Variants in ZNF362 observed in about 807,000 individuals in gnomAD.
ZNF362 encodes the protein rotund homolog.
In ZNF362, 11 loss-of-function variants were observed where a neutral mutation model predicts 42.9. The observed-to-expected ratio is 0.26, with a 90% CI of 0.16 to 0.42. ZNF362 has a LOEUF of 0.42. ZNF362 is among the 20% of genes least tolerant of loss of function. The pLI is 1.00. For missense variants in ZNF362, 362 were observed against 576.2 expected, an observed-to-expected ratio of 0.63 and a Z score of 3.81; for synonymous variants, 255 against 257.3, an observed-to-expected ratio of 0.99 and a Z score of 0.09.
chr1:33,212,615 G>T, the ZNF362 span, among the ~76,000 whole-genome samples: 2 of 152,162 alleles, frequency 1.3e-5, no homozygotes, highest in Non-Finnish European at 2.9e-5. Context: ...CAAAGGGGAA[G>T]CTGGCCTATC....
At chr1:33,159,731 C>G in the ZNF362 span, 6 of 1,612,102 alleles carry the variant, frequency 3.7e-6, no homozygotes, top group Non-Finnish European at 5.1e-6. The surrounding 1 kb of genome is among the most constrained non-coding windows in gnomAD (Gnocchi z 4.2). Context: ...GTGTGCCGGT[C>G]GGTTTCAGCC....
chr1:33,229,259 A>G, the ZNF362 span, among the ~76,000 whole-genome samples: 19 of 152,096 alleles, frequency 1.2e-4, no homozygotes, highest in South Asian at 3.9e-3. Flanking sequence ...GAGCTCTGGG[A>G]TTTATCTGTC....
the ZNF362 span, chr1:33,181,272 C>T: frequency 6.5e-7 from 1 of 1,547,584 alleles, no homozygotes; most frequent in Non-Finnish European, 8.7e-7. This position sits in a 1 kb window ranked among gnomAD's most constrained non-coding sequence, Gnocchi z 6.5. Context: ...GAACGTGCGC[C>T]GGCACTCGGG....
chr1:33,171,495 A>G, the ZNF362 span, among the ~76,000 whole-genome samples: 4 of 152,158 alleles, frequency 2.6e-5, no homozygotes, highest in Non-Finnish European at 4.4e-5. Context: ...TCCATGTTCA[A>G]AATCTCTTGG....
At chr1:33,144,826 C>T in the ZNF362 span, among the ~76,000 whole-genome samples, 1 of 152,190 alleles carries the variant, frequency 6.6e-6, no homozygotes, top group African/African-American at 2.4e-5. Flanking sequence ...AGACAGACTT[C>T]TTGGGTCAGA....
At chr1:33,267,747 CT>C (rs1165065644) in intron 1 of ZNF362, among the ~76,000 whole-genome samples, 3 of 152,304 alleles carry the variant, frequency 2.0e-5, no homozygotes, top group African/African-American at 7.2e-5. Flanking sequence ...GGTAACATGA[CT>C]TAAACAGAAC....
At chr1:33,200,515 T>A in the ZNF362 span, among the ~76,000 whole-genome samples, 133 of 152,214 alleles carry the variant, frequency 8.7e-4, 3 homozygotes, top group African/African-American at 2.6e-3. Context: ...ATTTTCAGAC[T>A]GAATAAAAAA....
At chr1:33,151,985 T>C in the ZNF362 span, among the ~76,000 whole-genome samples, 1 of 152,376 alleles carries the variant, frequency 6.6e-6, no homozygotes, top group East Asian at 1.9e-4. Context: ...CGTTTTCCTC[T>C]GGCCAGGCCT....
the ZNF362 span, chr1:33,164,803 G>A: frequency 6.6e-6 from 1 of 151,682 alleles, no homozygotes; most frequent in Non-Finnish European, 1.5e-5. Flanking sequence ...TTTAGAGACA[G>A]GGTATCACTC....
Position 33,280,839 on chromosome 1 carries a change from C to T in ZNF362, c.683+382C>T, listed in dbSNP as rs1029411880. 2.0e-5 allele frequency among the ~76,000 whole-genome samples: 3 copies of T among 152,096 alleles called. No homozygotes were observed. The highest frequency in any genetic ancestry group is 6.5e-5 in the Admixed American group (1 of 15,270). On this transcript the variant is annotated intron_variant, in intron 5 of 8. Coordinates refer to ENST00000539719, the MANE Select transcript of ZNF362 (RefSeq NM_152493.3). The surrounding 1 kb of genome is among the most constrained non-coding windows in gnomAD (Gnocchi z 5.6). The stretch of plus-strand genomic sequence containing the variant: ...ATCCCAGCGCTTTGGGAGGCCAAGG[C>T]GGGTGGATCACCTGCGGTCAGGAGT...
chr1:33,138,866 C>T, the ZNF362 span, among the ~76,000 whole-genome samples: 126 of 152,086 alleles, frequency 8.3e-4, 1 homozygote, highest in African/African-American at 2.6e-3. Flanking sequence ...CTGAGGAGCC[C>T]GAGGTCCAGG....
the ZNF362 span, among the ~76,000 whole-genome samples, chr1:33,224,935 T>G: frequency 6.6e-6 from 1 of 151,712 alleles, no homozygotes; most frequent in South Asian, 2.1e-4. Flanking sequence ...ATTCAAAGAA[T>G]CTACAATAGG....
chr1:33,135,667 C>A, the ZNF362 span, among the ~76,000 whole-genome samples: 1 of 152,208 alleles, frequency 6.6e-6, no homozygotes, highest in Admixed American at 6.5e-5. Flanking sequence ...TTGCCCAGCA[C>A]TTACTCAGCA....
rs1645858854 is a variant in ZNF362 at position 33,265,450 on chromosome 1, TG to T, written c.-88-5033del. Among the ~76,000 whole-genome samples the T allele has an allele frequency of 2.6e-5, 4 of 151,916 alleles. No homozygotes were observed. The East Asian group carries it at 5.8e-4, about 22-fold the overall frequency. Reference sequence around the variant, plus strand: ...ATGAAAACAGCCCTTCCCAGCCCCGTGGGGCTGCGGAAACCCGGTCTAATTG... The same window carrying T: ...ATGAAAACAGCCCTTCCCAGCCCCGTGGGCTGCGGAAACCCGGTCTAATTG... On this transcript the variant is annotated intron_variant, in intron 1 of 8. Transcript: ENST00000539719.
chr1:33,250,854 A>AAGAAGAAGAAGAAG, the ZNF362 span, among the ~76,000 whole-genome samples: 1 of 109,364 alleles, frequency 9.1e-6, no homozygotes, highest in Non-Finnish European at 2.1e-5. Context: ...AGAAAGAAGG[A>AAGAAGAAGAAGAAG]AGAAGAAGAA....
At chr1:33,196,677 A>G in the ZNF362 span, among the ~76,000 whole-genome samples, 2 of 152,254 alleles carry the variant, frequency 1.3e-5, no homozygotes, top group South Asian at 4.1e-4. Flanking sequence ...ATTATAGCAT[A>G]GTATACATAA....
At chr1:33,292,237 G>A (rs35227501) in intron 6 of ZNF362, among the ~76,000 whole-genome samples, 2 of 152,268 alleles carry the variant, frequency 1.3e-5, no homozygotes, top group East Asian at 1.9e-4. Flanking sequence ...TTTGAGATAC[G>A]TCCCATCAAT....
chr1:33,165,496 A>G, the ZNF362 span: 11 of 1,608,426 alleles, frequency 6.8e-6, no homozygotes, highest in East Asian at 2.5e-4. This position sits in a 1 kb window ranked among gnomAD's most constrained non-coding sequence, Gnocchi z 4.0. Flanking sequence ...TTGTCGCTTG[A>G]GCAGCTGCAG....
At chr1:33,241,517 C>T in the ZNF362 span, among the ~76,000 whole-genome samples, 15 of 148,926 alleles carry the variant, frequency 1.0e-4, no homozygotes, top group African/African-American at 3.7e-4. Flanking sequence ...AAAAGATGTA[C>T]GAATAAAATT....
Sources: allele counts gnomAD v4.1 joint callset (sites outside exome capture counted in the v4.1 genomes callset), GRCh38; gene constraint gnomAD v4.1.1; non-coding constraint Gnocchi (gnomAD v3.1); transcripts MANE v1.5; gene names NCBI Gene and HGNC (gene_info 2026-07-23, HGNC 2026-07-21).